PDE1A: variants seen among roughly 807,000 people sequenced by gnomAD.
PDE1A encodes dual specificity calcium/calmodulin-dependent 3',5'-cyclic nucleotide phosphodiesterase 1A.
In PDE1A, 35 loss-of-function variants were observed where a neutral mutation model predicts 61.7. The ratio of observed to expected loss-of-function variants is 0.57; its 90% confidence interval spans 0.43 to 0.75. The LOEUF is 0.75. Ranked by LOEUF, PDE1A falls within the 30% of genes least tolerant of loss-of-function variation. PDE1A has a pLI of 0.00. For synonymous variants in PDE1A, 232 were observed against 213.2 expected, an observed-to-expected ratio of 1.09 and a Z score of -0.77; for missense variants, 597 against 630.6, an observed-to-expected ratio of 0.95 and a Z score of 0.57.
At chr2:182,263,254 T>C (rs893822779) in intron 2 of PDE1A, among the ~76,000 whole-genome samples, 1 of 152,162 alleles carries the variant, frequency 6.6e-6, no homozygotes, top group Non-Finnish European at 1.5e-5. Flanking sequence ...TTTGCTGTCA[T>C]CTATGTGACA....
At chr2:182,152,660 A>G (rs2125277134) in intron 13 of PDE1A, among the ~76,000 whole-genome samples, 1 of 152,104 alleles carries the variant, frequency 6.6e-6, no homozygotes, top group East Asian at 1.9e-4. Context: ...ACCTCAGGTG[A>G]TCCACCCGCC....
At chr2:182,462,998 T>C (rs1241765700) in intron 2 of PDE1A, among the ~76,000 whole-genome samples, 2 of 152,086 alleles carry the variant, frequency 1.3e-5, no homozygotes, top group Non-Finnish European at 2.9e-5. Flanking sequence ...CCCAGCACTT[T>C]GGGAGGCCAA....
At chr2:182,284,881 A>G (rs1266175566) in intron 1 of PDE1A, among the ~76,000 whole-genome samples, 1 of 152,134 alleles carries the variant, frequency 6.6e-6, no homozygotes, top group Non-Finnish European at 1.5e-5. Flanking sequence ...ATTTACATTT[A>G]TCTTCATTTC....
chr2:182,471,929 A>G (rs1350696217), intron 2 of PDE1A, among the ~76,000 whole-genome samples: 1 of 151,878 alleles, frequency 6.6e-6, no homozygotes, highest in Non-Finnish European at 1.5e-5. Context: ...TTTTTAAAGA[A>G]GACAAATGTC....
At chr2:182,182,053 T>C (rs1684809939) in intron 13 of PDE1A, among the ~76,000 whole-genome samples, 1 of 152,216 alleles carries the variant, frequency 6.6e-6, no homozygotes, top group South Asian at 2.1e-4. Context: ...TGAACAATGC[T>C]GCTGTGAATA....
Position 182,389,869 on chromosome 2 carries a change from C to G in PDE1A, c.53+36709G>C, listed in dbSNP as rs560259109. Among the ~76,000 whole-genome samples the G allele has an allele frequency of 2.0e-3, 309 of 152,266 alleles. 8 individuals are homozygous for G. Among genetic ancestry groups the G allele is most frequent in the Admixed American group, 0.02 (309 of 15,290 alleles). On this transcript the variant is annotated intron_variant, in intron 1 of 13. Transcript: ENST00000351439. ...ACTTGCTGAGTTTTCCAGCCTTTATCTTTCTTCTGTGCTGGATGCTTCCTG... is the reference window on the plus strand; with the variant it reads ...ACTTGCTGAGTTTTCCAGCCTTTATGTTTCTTCTGTGCTGGATGCTTCCTG...
intron 2 of PDE1A, among the ~76,000 whole-genome samples, chr2:182,521,571 GT>G (rs1321507426): frequency 6.6e-6 from 1 of 152,038 alleles, no homozygotes; most frequent in Admixed American, 6.6e-5. Flanking sequence ...ATGTAAGGGT[GT>G]AAATATCAAG....
chr2:182,658,896 CA>C, the PDE1A span, among the ~76,000 whole-genome samples: 5 of 152,040 alleles, frequency 3.3e-5, no homozygotes, highest in Non-Finnish European at 7.4e-5. Context: ...CAAACACTGG[CA>C]AATCTTTTTT....
chr2:182,611,172 A>G, the PDE1A span, among the ~76,000 whole-genome samples: 1 of 152,142 alleles, frequency 6.6e-6, no homozygotes, highest in East Asian at 1.9e-4. Flanking sequence ...ACAATACGTA[A>G]GTGAGTGATT....
At chr2:182,559,092 C>T in the PDE1A span, among the ~76,000 whole-genome samples, 4 of 152,132 alleles carry the variant, frequency 2.6e-5, no homozygotes, top group African/African-American at 9.7e-5. Context: ...AATCATATCA[C>T]CTTAATTTAT....
At chr2:182,666,972 G>A in the PDE1A span, among the ~76,000 whole-genome samples, 2 of 152,266 alleles carry the variant, frequency 1.3e-5, no homozygotes, top group African/African-American at 2.4e-5. Flanking sequence ...GTCACCCTTT[G>A]GGAAAGAATC....
chr2:182,538,737 T>C, the PDE1A span, among the ~76,000 whole-genome samples: 1 of 152,316 alleles, frequency 6.6e-6, no homozygotes, highest in East Asian at 1.9e-4. Context: ...CTATATTCCA[T>C]GACATTTGTT....
At chr2:182,237,414 G>T (rs1348002365) in intron 3 of PDE1A, among the ~76,000 whole-genome samples, 1 of 152,086 alleles carries the variant, frequency 6.6e-6, no homozygotes, top group South Asian at 2.1e-4. Flanking sequence ...GGAGGCGGAG[G>T]TTGCAGTAAA....
At chr2:182,591,212 T>TA in the PDE1A span, among the ~76,000 whole-genome samples, 1 of 152,276 alleles carries the variant, frequency 6.6e-6, no homozygotes, top group Admixed American at 6.5e-5. Context: ...ATAAGGGCCA[T>TA]AGGTCTTCAT....
intron 2 of PDE1A, among the ~76,000 whole-genome samples, chr2:182,521,480 TATGACA>T (rs1690564634): frequency 6.6e-6 from 1 of 152,056 alleles, no homozygotes; most frequent in African/African-American, 2.4e-5. Flanking sequence ...ATTTTTAAAT[TATGACA>T]ATTAAGATAA....
At chr2:182,309,629 A>G (rs996079007) in intron 1 of PDE1A, among the ~76,000 whole-genome samples, 2 of 152,092 alleles carry the variant, frequency 1.3e-5, no homozygotes, top group Non-Finnish European at 2.9e-5. Flanking sequence ...TTTGAATATT[A>G]AATCAGTAAT....
At chr2:182,620,457 C>G in the PDE1A span, among the ~76,000 whole-genome samples, 1 of 152,184 alleles carries the variant, frequency 6.6e-6, no homozygotes, top group African/African-American at 2.4e-5. Context: ...GCACCTTCCT[C>G]TAAGAACAAA....
intron 13 of PDE1A, among the ~76,000 whole-genome samples, chr2:182,179,041 C>T (rs765856251): frequency 6.6e-6 from 1 of 152,024 alleles, no homozygotes; most frequent in Admixed American, 6.6e-5. Flanking sequence ...GGTCAGAAAC[C>T]CTGGATTGAC....
At chr2:182,705,346 C>CAAT in the PDE1A span, among the ~76,000 whole-genome samples, 1 of 152,162 alleles carries the variant, frequency 6.6e-6, no homozygotes, top group East Asian at 1.9e-4. Context: ...AGCATAGTGA[C>CAAT]AATATGTTTG....
Sources: gnomAD v4.1 joint callset for allele counts (sites outside exome capture counted in the v4.1 genomes callset) on GRCh38, gnomAD v4.1.1 for gene constraint, MANE v1.5 for transcripts, NCBI Gene and HGNC (gene_info 2026-07-23, HGNC 2026-07-21) for gene names.